The following FAT1 variants were observed in gnomAD, a reference collection of about 807,000 sequenced individuals.
FAT1 encodes protocadherin Fat 1.
Under a neutral mutation model 329.8 loss-of-function variants are expected in FAT1, and 171 were observed. The ratio of observed to expected loss-of-function variants is 0.52; its 90% CI spans 0.46 to 0.59. The LOEUF is 0.59. FAT1 is among the 20% of genes least tolerant of loss of function. The pLI is 0.00. For missense variants in FAT1, 5,672 were observed against 5,774.4 expected (o/e 0.98, Z 0.57); for synonymous variants, 2,233 against 2,228.6 (o/e 1.00, Z -0.06).
At chr4:186,705,196 C>T (rs11723776) in intron 2 of FAT1, among the ~76,000 whole-genome samples, 77,554 of 150,428 alleles carry the variant, frequency 0.52, 22,285 homozygotes, top group Non-Finnish European at 0.65. Context: ...CTCCCACCTG[C>T]GCCTCCCAAA....
chr4:186,708,678 T>C lies in FAT1; in HGVS notation c.1150A>G (p.Thr384Ala), dbSNP rs758078074. ...ATGGCCTTTACCATGACCACAGGTG[T>C]GTTGGGAGGAGCAAATTCACTTATT... ...AEISEFAPPN[T>A]PVVMVKAIPA... Residue 384 changes from threonine to alanine, a missense_variant, in exon 2 of 27, where the codon ACA becomes GCA. Coordinates refer to ENST00000441802, the MANE Select transcript of FAT1 (RefSeq NM_005245.4). The C allele has an allele frequency of 6.2e-7, 1 of 1,613,876 alleles. No individual in the cohort carries two copies. The highest frequency in any genetic ancestry group is 1.7e-5 in the Admixed American group (1 of 60,022).
rs745741896 is a variant in FAT1 at position 186,618,912 on chromosome 4, G to A, written c.7674C>T (p.Thr2558=). 6.2e-7 allele frequency: 1 copy of A among 1,613,884 alleles called. No individual in the cohort carries two copies. The highest frequency in any genetic ancestry group is 8.5e-7 in the Non-Finnish European group (1 of 1,179,864). Residue 2558 remains threonine (T), a synonymous_variant, in exon 10 of 27, where the codon ACC becomes ACT. Transcript: ENST00000441802. ...GGACTGAGATCACTTTCTCCGCCGG[G>A]GTTTCTCGATCAAGTTTTTCCAAAG... ...IFTLEKLDRE[T]PAEKVISVRL... is the part of the protein sequence containing the mutation.
In FAT1 at chr4:186,706,794, G is replaced by A. The variant is rs2126683175; in HGVS notation, c.3034C>T (p.Leu1012=). ...RAKDKGKPVS[L]SSTCYVEVEV... ...ACTTCAACATAGCAAGTAGAAGACA[G>A]AGAAACTGGCTTTCCCTTGTCTTTG... The change falls in exon 2 of 27, where the codon CTG becomes TTG. Residue 1012 remains leucine, a synonymous_variant. Coordinates refer to ENST00000441802, the MANE Select transcript of FAT1 (RefSeq NM_005245.4). The A allele has an allele frequency of 6.2e-7, 1 of 1,614,012 alleles. No homozygotes were observed. The highest frequency in any genetic ancestry group is 1.3e-5 in the African/African-American group (1 of 75,054).
At chr4:186,700,098 T>C (rs1242317833) in intron 2 of FAT1, among the ~76,000 whole-genome samples, 2 of 152,254 alleles carry the variant, frequency 1.3e-5, no homozygotes, top group Admixed American at 6.5e-5. Context: ...CAGCTGCTGA[T>C]GCCAAGGCAC....
intron 3 of FAT1, 46 bp downstream of exon 3, chr4:186,663,253 G>A: frequency 7.1e-7 from 1 of 1,413,032 alleles, no homozygotes; most frequent in Non-Finnish European, 9.8e-7. Flanking sequence ...CCCCCTAACA[G>A]AAAAGCATAA....
At chr4:186,672,639 G>GTTACTTACTCCTTA (rs1310738442) in intron 2 of FAT1, among the ~76,000 whole-genome samples, 29 of 152,176 alleles carry the variant, frequency 1.9e-4, no homozygotes, top group African/African-American at 6.8e-4. Flanking sequence ...ACTCCTTACA[G>GTTACTTACTCCTTA]CAACCCTAAG....
Position 186,601,410 on chromosome 4 carries a change from T to C in FAT1, c.11499A>G (p.Thr3833=). ...FGQCPGSSSM[T]LTGNSYVKYR... ...ATTTCACGTAGCTGTTTCCAGTCAG[T>C]GTCATAGATGAACTCCCTGTGAATC... is the stretch of plus-strand genomic sequence containing the variant. Residue 3833 remains threonine (T), a synonymous_variant, in exon 21 of 27, where the codon ACA becomes ACG. Transcript: ENST00000441802. The C allele has an allele frequency of 1.2e-6, 2 of 1,612,332 alleles. No individual in the cohort carries two copies. Among genetic ancestry groups the C allele is most frequent in the African/African-American group, 1.3e-5 (1 of 75,018 alleles).
intron 1 of FAT1, among the ~76,000 whole-genome samples, chr4:186,723,432 C>A (rs1318520299): frequency 6.6e-6 from 1 of 152,212 alleles, no homozygotes; most frequent in African/African-American, 2.4e-5. Flanking sequence ...CCGGATCGGT[C>A]CCGCGCGGTC....
chr4:186,624,226 T>C (rs1438298618), intron 9 of FAT1, among the ~76,000 whole-genome samples: 1 of 149,134 alleles, frequency 6.7e-6, no homozygotes, highest in African/African-American at 2.5e-5. Flanking sequence ...TAAACAACTT[T>C]AAATTGTTCC....
intron 2 of FAT1, among the ~76,000 whole-genome samples, chr4:186,668,384 C>T (rs1400844195): frequency 6.6e-6 from 1 of 152,130 alleles, no homozygotes; most frequent in Non-Finnish European, 1.5e-5. Context: ...AGCTAGCCTT[C>T]GCCATCTCAA....
At chr4:186,683,575 G>A (rs868863094) in intron 2 of FAT1, among the ~76,000 whole-genome samples, 3 of 152,128 alleles carry the variant, frequency 2.0e-5, no homozygotes, top group Admixed American at 6.5e-5. Context: ...AAGGCCACTC[G>A]TGATTTCTCC....
intron 2 of FAT1, among the ~76,000 whole-genome samples, chr4:186,673,888 G>A (rs911957067): frequency 3.3e-5 from 5 of 151,888 alleles, no homozygotes; most frequent in South Asian, 2.1e-4. Context: ...TGTCAATGAC[G>A]GCTTTTGTGG....
chr4:186,716,084 C>G (rs191195078), intron 1 of FAT1, among the ~76,000 whole-genome samples: 1 of 152,114 alleles, frequency 6.6e-6, no homozygotes, highest in African/African-American at 2.4e-5. Flanking sequence ...TCACACGCCA[C>G]AGAGACAGGA....
rs1232273942 is a variant in FAT1 at position 186,708,216 on chromosome 4, T to C, written c.1612A>G (p.Ile538Val). ...GGCAAGCCCCAGTCTGATGCACGAATCCTCAGAGTATAAACCCGAGGCATC... is the reference window on the plus strand; with the variant it reads ...GGCAAGCCCCAGTCTGATGCACGAACCCTCAGAGTATAAACCCGAGGCATC... ...ELMPRVYTLR[I>V]RASDWGLPYR... is the part of the protein sequence containing the mutation. Residue 538 changes from isoleucine to valine, a missense_variant, in exon 2 of 27, where the codon ATT (isoleucine) becomes GTT (valine). By Grantham distance (29) the Ile-to-Val change is conservative (BLOSUM62 3). Coordinates refer to ENST00000441802, the MANE Select transcript of FAT1 (RefSeq NM_005245.4). 3 of 1,613,860 alleles carry C rather than the reference T, an allele frequency of 1.9e-6. No individual in the cohort carries two copies. The highest frequency in any genetic ancestry group is 2.5e-6 in the Non-Finnish European group (3 of 1,179,884).
chr4:186,608,314 A>G (rs1412534306), intron 16 of FAT1, among the ~76,000 whole-genome samples: 2 of 152,190 alleles, frequency 1.3e-5, no homozygotes, highest in African/African-American at 2.4e-5. Context: ...TCATCTCTAG[A>G]TTATAGTACC....
At chr4:186,671,803 CGT>C (rs140381404) in intron 2 of FAT1, among the ~76,000 whole-genome samples, 10 of 151,746 alleles carry the variant, frequency 6.6e-5, no homozygotes, top group African/African-American at 1.9e-4. Flanking sequence ...TACAGTAGAT[CGT>C]GTGTGTGTGT....
At chr4:186,590,233 C>G (rs907289790) in intron 26 of FAT1, 2 of 403,400 alleles carry the variant, frequency 5.0e-6, no homozygotes, top group Admixed American at 5.9e-5. Context: ...AAATGCAATG[C>G]GCACACACAT....
intron 3 of FAT1, among the ~76,000 whole-genome samples, chr4:186,640,763 C>T (rs1178339923): frequency 6.6e-6 from 1 of 152,164 alleles, no homozygotes; most frequent in African/African-American, 2.4e-5. Context: ...AACTAGAAGG[C>T]AATTACAATT....
chr4:186,615,370 T>C lies in FAT1; in HGVS notation c.9076-1026A>G, dbSNP rs1043067052. Among the ~76,000 whole-genome samples the C allele has an allele frequency of 5.9e-5, 9 of 152,166 alleles. No individual in the cohort carries two copies. The East Asian group carries it at 7.7e-4, about 13-fold the overall frequency. ...CTTTCCCTGAGAACAGCCCTATCACTTTCCACAGCCACAAGCATCTCAGAC... is the reference window on the plus strand; with the variant it reads ...CTTTCCCTGAGAACAGCCCTATCACCTTCCACAGCCACAAGCATCTCAGAC... On this transcript the variant is annotated intron_variant, in intron 11 of 26. Coordinates refer to ENST00000441802, the MANE Select transcript of FAT1 (RefSeq NM_005245.4).
Sources: gnomAD v4.1 joint callset for allele counts (sites outside exome capture counted in the v4.1 genomes callset) on GRCh38, gnomAD v4.1.1 for gene constraint, MANE v1.5 for transcripts, NCBI Gene and HGNC (gene_info 2026-07-23, HGNC 2026-07-21) for gene names.